Variants in PCP4 observed in about 807,000 individuals in gnomAD.
PCP4 encodes the protein Purkinje cell protein 4.
A neutral mutation model predicts 10.0 loss-of-function variants in PCP4; 8 were observed. The observed-to-expected ratio is 0.80, with a 90% CI of 0.47 to 1.45. The LOEUF (loss-of-function observed/expected upper bound fraction) is 1.45, where lower values mean the gene tolerates loss of function less well. Among genes scored for constraint, PCP4 ranks in the 40% most tolerant of loss-of-function variants. The pLI is 0.00. For synonymous variants in PCP4, 21 were observed against 23.0 expected, an observed-to-expected ratio of 0.91 and a Z score of 0.24; for missense variants, 54 against 74.4, an observed-to-expected ratio of 0.73 and a Z score of 1.01.
chr21:39,919,745 T>TGTG (rs1314233128), intron 2 of PCP4, among the ~76,000 whole-genome samples: 2 of 150,300 alleles, frequency 1.3e-5, no homozygotes, highest in Non-Finnish European at 3.0e-5. Context: ...ATGTGTAGTG[T>TGTG]GTGGTGTGTA....
At position 39,913,712 on chromosome 21, in the gene PCP4, G is replaced by A. The variant is rs141911292; in HGVS notation, c.61+15185G>A. Among the ~76,000 whole-genome samples the A allele has an allele frequency of 3.6e-3, 549 of 152,302 alleles. 8 individuals are homozygous for A. Among genetic ancestry groups the A allele is most frequent in the African/African-American group, 0.013 (531 of 41,566 alleles). Reference sequence around the variant, plus strand: ...GGGCGTCTATCAGCTCAGCTGCGTGGTTGGACCTGGGAGGGACTTGACCCT... The same window carrying A: ...GGGCGTCTATCAGCTCAGCTGCGTGATTGGACCTGGGAGGGACTTGACCCT... On this transcript the variant is annotated intron_variant, in intron 2 of 2. Transcript: ENST00000328619.
At chr21:39,910,564 T>C (rs988763547) in intron 2 of PCP4, among the ~76,000 whole-genome samples, 2 of 152,196 alleles carry the variant, frequency 1.3e-5, no homozygotes, top group African/African-American at 2.4e-5. Context: ...TAGATTATAA[T>C]GCATTTGCTG....
intron 1 of PCP4, 92 bp from the exon 2 acceptor site, chr21:39,898,384 A>G (rs1212701904): frequency 1.0e-6 from 1 of 991,744 alleles, no homozygotes; most frequent in South Asian, 1.3e-5. Flanking sequence ...ACTTGATATA[A>G]TGCAAGAGAT....
chr21:39,900,441 C>A (rs1410651729), intron 2 of PCP4, among the ~76,000 whole-genome samples: 4 of 152,074 alleles, frequency 2.6e-5, no homozygotes, highest in Non-Finnish European at 5.9e-5. Flanking sequence ...ATGCTGGAAC[C>A]CTACTGACTC....
chr21:39,929,069 G>A lies in PCP4; in HGVS notation c.147G>A (p.Gln49=). ...GTGCAGCGGTGGCCATTCAGTCTCAGTTCAGAAAATTCCAGAAGAAGAAGG... is the reference window on the plus strand; with the variant it reads ...GTGCAGCGGTGGCCATTCAGTCTCAATTCAGAAAATTCCAGAAGAAGAAGG... ...TERAAVAIQS[Q]FRKFQKKKAG... The change falls in exon 3 of 3, where the codon CAG becomes CAA. Residue 49 remains glutamine (Q), a synonymous_variant. Transcript: ENST00000328619. 2 of 1,613,722 alleles carry A rather than the reference G, an allele frequency of 1.2e-6. No individual in the cohort carries two copies. The highest frequency in any genetic ancestry group is 1.7e-6 in the Non-Finnish European group (2 of 1,179,844).
chr21:39,895,350 G>A (rs987173420), intron 1 of PCP4, among the ~76,000 whole-genome samples: 6 of 152,232 alleles, frequency 3.9e-5, no homozygotes, highest in Non-Finnish European at 1.5e-5. Flanking sequence ...GCCCTTGGCT[G>A]TTGTTTGCCT....
intron 2 of PCP4, among the ~76,000 whole-genome samples, chr21:39,914,573 C>CAAAAAAAAAAAAAAAAAAAAAAA (rs55775259): frequency 8.4e-6 from 1 of 118,948 alleles, no homozygotes; most frequent in African/African-American, 3.3e-5. Flanking sequence ...AGAGCTGTCT[C>CAAAAAAAAAAAAAAAAAAAAAAA]AAAAAAAAAA....
At chr21:39,890,238 T>C (rs2087423079) in intron 1 of PCP4, among the ~76,000 whole-genome samples, 1 of 152,244 alleles carries the variant, frequency 6.6e-6, no homozygotes, top group Non-Finnish European at 1.5e-5. Flanking sequence ...CTCCAATCTT[T>C]TCCTTACTTC....
At chr21:39,904,802 G>A (rs1023314572) in intron 2 of PCP4, among the ~76,000 whole-genome samples, 1 of 152,154 alleles carries the variant, frequency 6.6e-6, no homozygotes, top group African/African-American at 2.4e-5. Flanking sequence ...GGGAGGTGAA[G>A]CTTGAGTCCA....
intron 1 of PCP4, among the ~76,000 whole-genome samples, chr21:39,875,997 G>C (rs2087343921): frequency 6.6e-6 from 1 of 151,816 alleles, no homozygotes; most frequent in African/African-American, 2.4e-5. Flanking sequence ...TTTAGTTAGT[G>C]CTTCTATCGT....
chr21:39,870,059 C>T (rs577806714), intron 1 of PCP4, among the ~76,000 whole-genome samples: 1 of 152,312 alleles, frequency 6.6e-6, no homozygotes, highest in South Asian at 2.1e-4. Flanking sequence ...CTGGAGAGGA[C>T]CCCAAAGTGT....
chr21:39,891,723 A>C (rs939950889), intron 1 of PCP4, among the ~76,000 whole-genome samples: 5 of 152,226 alleles, frequency 3.3e-5, no homozygotes, highest in African/African-American at 1.2e-4. Flanking sequence ...TGACAAGGTG[A>C]AGCAAGTCAC....
chr21:39,920,528 T>G (rs182001672), intron 2 of PCP4, among the ~76,000 whole-genome samples: 95 of 152,178 alleles, frequency 6.2e-4, no homozygotes, highest in Non-Finnish European at 1.1e-3. Flanking sequence ...GGTGATTTAT[T>G]GCTGGTTCCT....
intron 1 of PCP4, among the ~76,000 whole-genome samples, chr21:39,871,094 A>G (rs2087317474): frequency 1.3e-5 from 2 of 152,246 alleles, no homozygotes; most frequent in Admixed American, 6.5e-5. Flanking sequence ...AGAAAGCTGT[A>G]AATGGCATTT....
rs1159199566 is a variant in PCP4, at chr21:39,925,878, T to TGGGAGTGGGTGCCTGGCTGTGGTCCC, written c.62-3105_62-3080dup. Among the ~76,000 whole-genome samples the TGGGAGTGGGTGCCTGGCTGTGGTCCC allele has an allele frequency of 2.6e-5, 4 of 152,184 alleles. No homozygotes were observed. In the East Asian group the frequency reaches 7.7e-4, roughly 29 times the overall value. On this transcript the variant is annotated intron_variant, in intron 2 of 2. Coordinates refer to ENST00000328619, the MANE Select transcript of PCP4 (RefSeq NM_006198.3). ...GCTCCAAGGCCCTGAAGAGTGGTTC[T>TGGGAGTGGGTGCCTGGCTGTGGTCCC]GGGAGTGGGTGCCTGGCTGTGGTCC...
At position 39,929,159 on chromosome 21, in the gene PCP4, C is replaced by T. The variant is rs79326068; in HGVS notation, c.*48C>T. On this transcript the variant is annotated 3_prime_UTR_variant, in exon 3 of 3. Transcript: ENST00000328619. ...ACCTGAAAACACCAAATTCAACCATCATCTGTCAAGAAATTAAAAGAACAA... is the reference window on the plus strand; with the variant it reads ...ACCTGAAAACACCAAATTCAACCATTATCTGTCAAGAAATTAAAAGAACAA... 5,403 of 1,570,600 alleles carry T rather than the reference C, an allele frequency of 3.4e-3. 157 individuals are homozygous for T. The African/African-American group carries it at 0.066, about 19-fold the overall frequency.
chr21:39,895,739 C>T (rs143305570), intron 1 of PCP4, among the ~76,000 whole-genome samples: 91 of 152,300 alleles, frequency 6.0e-4, no homozygotes, highest in African/African-American at 2.1e-3. Flanking sequence ...GAAGCCTGGC[C>T]CCAGCAGCAT....
At position 39,867,523 on chromosome 21, in the gene PCP4, T is replaced by C. The variant is rs773921814; in HGVS notation, c.9+13T>C. The stretch of plus-strand genomic sequence containing the variant: ...CAACATGAGTGAGGTGAGTGATGCT[T>C]CGACCTGGAGAGGGAAACTTAGGAG... On this transcript the variant is annotated intron_variant, in intron 1 of 2. Transcript: ENST00000328619. 1 of 1,613,904 alleles carries C rather than the reference T, an allele frequency of 6.2e-7. No homozygotes were observed. The highest frequency in any genetic ancestry group is 8.5e-7 in the Non-Finnish European group (1 of 1,179,784).
At chr21:39,876,468 C>T (rs2146325873) in intron 1 of PCP4, among the ~76,000 whole-genome samples, 1 of 152,254 alleles carries the variant, frequency 6.6e-6, no homozygotes, top group South Asian at 2.1e-4. Context: ...AAGCCACTTA[C>T]CTACTGTGGG....
Sources: allele counts gnomAD v4.1 joint callset (sites outside exome capture counted in the v4.1 genomes callset), GRCh38; gene constraint gnomAD v4.1.1; transcripts MANE v1.5; gene names NCBI Gene and HGNC (gene_info 2026-07-23, HGNC 2026-07-21).